Variants in DMRT1 observed in about 807,000 individuals in gnomAD.
DMRT1 encodes the protein doublesex and mab-3 related transcription factor 1.
DMRT1 carries 7 observed loss-of-function variants against 32.3 expected under a neutral mutation model. The observed-to-expected ratio is 0.22, with a 90% CI of 0.12 to 0.41. The LOEUF is 0.41. Among genes scored for constraint, DMRT1 ranks in the 10% least tolerant of loss-of-function variants. DMRT1 has a pLI of 1.00. For synonymous variants in DMRT1, 278 were observed against 206.1 expected (o/e 1.35, Z -2.99); for missense variants, 625 against 500.5 (o/e 1.25, Z -2.37).
intron 2 of DMRT1, among the ~76,000 whole-genome samples, chr9:889,450 T>A (rs1817057507): frequency 6.6e-6 from 1 of 152,224 alleles, no homozygotes; most frequent in Admixed American, 6.5e-5. Context: ...TAAAGCTTGG[T>A]ATAACTTGAA....
intron 2 of DMRT1, among the ~76,000 whole-genome samples, chr9:855,187 G>T (rs994323093): frequency 4.6e-5 from 7 of 152,020 alleles, no homozygotes; most frequent in African/African-American, 1.4e-4. Context: ...ACTTTCTGTG[G>T]ATAGTATTTT....
intron 2 of DMRT1, among the ~76,000 whole-genome samples, chr9:869,104 T>G (rs371391215): frequency 3.3e-4 from 50 of 152,286 alleles, no homozygotes; most frequent in African/African-American, 1.1e-3. Context: ...CTGATATAGT[T>G]TAGGGATGGT....
At chr9:879,753 C>T (rs534433098) in intron 2 of DMRT1, among the ~76,000 whole-genome samples, 10 of 152,262 alleles carry the variant, frequency 6.6e-5, no homozygotes, top group South Asian at 4.1e-4. Context: ...TCTGCTGGTG[C>T]GTTCAAGGTG....
intron 2 of DMRT1, among the ~76,000 whole-genome samples, chr9:850,595 G>A (rs1839101709): frequency 6.6e-6 from 1 of 152,126 alleles, no homozygotes; most frequent in African/African-American, 2.4e-5. Flanking sequence ...AGGTGTATGT[G>A]TCTGTTTATC....
Position 949,333 on chromosome 9 carries a change from C to T in DMRT1, c.968-18652C>T, listed in dbSNP as rs551611366. 2.7e-4 allele frequency among the ~76,000 whole-genome samples: 41 copies of T among 151,520 alleles called. 1 individual carries two copies. The highest frequency in any genetic ancestry group is 1.0e-3 in the African/African-American group (41 of 41,116). On this transcript the variant is annotated intron_variant, in intron 4 of 4. Transcript: ENST00000382276. ...CAAGCCAACTGTGACAGCCCCATTG[C>T]ACTGAAGCCTGGGAGAGCAAGACCC... is the stretch of plus-strand genomic sequence containing the variant.
At chr9:896,620 G>A (rs890898244) in intron 3 of DMRT1, among the ~76,000 whole-genome samples, 2 of 151,894 alleles carry the variant, frequency 1.3e-5, no homozygotes, top group African/African-American at 2.4e-5. Flanking sequence ...CAAGACCTGC[G>A]TGGCCATCAT....
intron 2 of DMRT1, among the ~76,000 whole-genome samples, chr9:876,004 C>G (rs1816485231): frequency 6.6e-6 from 1 of 152,126 alleles, no homozygotes; most frequent in Non-Finnish European, 1.5e-5. Context: ...GTTCCCGCCC[C>G]TACACTGGGG....
chr9:941,524 G>T (rs1819071466), intron 4 of DMRT1, among the ~76,000 whole-genome samples: 1 of 152,112 alleles, frequency 6.6e-6, no homozygotes, highest in Admixed American at 6.5e-5. Flanking sequence ...GTGGTTGCTG[G>T]GTGTTGAGGG....
At chr9:855,804 G>GA in intron 2 of DMRT1, among the ~76,000 whole-genome samples, 1 of 152,128 alleles carries the variant, frequency 6.6e-6, no homozygotes, top group Non-Finnish European at 1.5e-5. Flanking sequence ...TTTTTATAGA[G>GA]ATGGGGATCT....
Position 968,517 on chromosome 9 carries a change from T to G in DMRT1, c.*378T>G, listed in dbSNP as rs1194791238. The stretch of plus-strand genomic sequence containing the variant: ...ATGAAATCTTAGGTGCCTTAGGGGT[T>G]TTTTTTTTTTTTAAGTATTTTTTAA... On this transcript the variant is annotated 3_prime_UTR_variant, in exon 5 of 5. Coordinates refer to ENST00000382276, the MANE Select transcript of DMRT1 (RefSeq NM_021951.3). The G allele has an allele frequency of 3.6e-3, 66 of 18,302 alleles. 1 individual carries two copies. In the East Asian group the frequency reaches 0.05, roughly 14 times the overall value. 1.1% of individuals were successfully genotyped at this position (18,302 alleles called of 1,614,324 possible).
intron 2 of DMRT1, among the ~76,000 whole-genome samples, chr9:863,146 C>CTA (rs1564205318): frequency 2.3e-4 from 4 of 17,254 alleles, no homozygotes; most frequent in Non-Finnish European, 1.4e-4. Context: ...GATCAGGTCT[C>CTA]TACAAAAAAA....
intron 3 of DMRT1, among the ~76,000 whole-genome samples, chr9:895,697 T>TA (rs1817327885): frequency 6.6e-6 from 1 of 152,174 alleles, no homozygotes; most frequent in Non-Finnish European, 1.5e-5. Context: ...TGATAACACT[T>TA]AAGATCTACT....
Position 855,847 on chromosome 9 carries a change from G to A in DMRT1, c.538+8704G>A, listed in dbSNP as rs1175099823. ...TTGCCTAGGCTGGTCTCAAACTCCT[G>A]GGCTCAAGTGATCTTCTCACCTTGG... On this transcript the variant is annotated intron_variant, in intron 2 of 4. Transcript: ENST00000382276. Among the ~76,000 whole-genome samples the A allele has an allele frequency of 2.0e-5, 3 of 152,244 alleles. No individual in the cohort carries two copies. The East Asian group carries it at 5.8e-4, about 29-fold the overall frequency.
intron 2 of DMRT1, among the ~76,000 whole-genome samples, chr9:867,888 A>G (rs551474532): frequency 1.3e-5 from 2 of 152,306 alleles, no homozygotes; most frequent in South Asian, 4.1e-4. Flanking sequence ...AACATACTAC[A>G]TTTTATCATT....
At chr9:921,257 G>T (rs1818344703) in intron 4 of DMRT1, among the ~76,000 whole-genome samples, 1 of 152,038 alleles carries the variant, frequency 6.6e-6, no homozygotes, top group South Asian at 2.1e-4. Flanking sequence ...AGCCTTTTGT[G>T]TCTTGCTTCG....
intron 4 of DMRT1, among the ~76,000 whole-genome samples, chr9:940,070 G>C (rs1179008735): frequency 6.6e-6 from 1 of 152,080 alleles, no homozygotes; most frequent in South Asian, 2.1e-4. Flanking sequence ...AACAAGAGTT[G>C]GGAAGGATAT....
intron 2 of DMRT1, among the ~76,000 whole-genome samples, chr9:857,947 G>A (rs1393533719): frequency 6.6e-6 from 1 of 151,830 alleles, no homozygotes; most frequent in Non-Finnish European, 1.5e-5. Context: ...CCCTACAAAG[G>A]ACATGAACTC....
At chr9:920,039 AGTTT>A (rs1161944567) in intron 4 of DMRT1, among the ~76,000 whole-genome samples, 3 of 152,188 alleles carry the variant, frequency 2.0e-5, no homozygotes, top group African/African-American at 4.8e-5. Flanking sequence ...GGGAAAAATA[AGTTT>A]GTGTGCATTA....
chr9:889,362 C>G (rs142721232), intron 2 of DMRT1, among the ~76,000 whole-genome samples: 8 of 152,330 alleles, frequency 5.3e-5, no homozygotes, highest in Non-Finnish European at 1.0e-4. Flanking sequence ...GACATCTGCT[C>G]TTCCAAAGTT....
Sources: allele counts gnomAD v4.1 joint callset (sites outside exome capture counted in the v4.1 genomes callset), GRCh38; gene constraint gnomAD v4.1.1; transcripts MANE v1.5; gene names NCBI Gene and HGNC (gene_info 2026-07-23, HGNC 2026-07-21).